NRXN1: variants seen among roughly 807,000 people sequenced by gnomAD.
NRXN1 encodes neurexin 1.
A neutral mutation model predicts 150.9 loss-of-function variants in NRXN1; 39 were observed. The ratio of observed to expected loss-of-function variants is 0.26; its 90% CI spans 0.20 to 0.34. NRXN1 has a LOEUF of 0.34. NRXN1 is among the 10% of genes least tolerant of loss of function. NRXN1 has a pLI of 1.00. For synonymous variants in NRXN1, 924 were observed against 757.0 expected (o/e 1.22, Z -3.62); for missense variants, 1,815 against 1,949.9 (o/e 0.93, Z 1.30).
intron 17 of NRXN1, among the ~76,000 whole-genome samples, chr2:50,295,570 T>C (rs926489208): frequency 2.6e-5 from 4 of 152,212 alleles, no homozygotes; most frequent in African/African-American, 9.6e-5. Context: ...TATTGTTGAA[T>C]TCAATCTTGT....
intron 18 of NRXN1, among the ~76,000 whole-genome samples, chr2:50,212,589 T>C (rs954806276): frequency 3.3e-5 from 5 of 151,864 alleles, no homozygotes; most frequent in Non-Finnish European, 4.4e-5. Context: ...TTTAAATCTG[T>C]AGCCTCAAAA....
In NRXN1 at chr2:50,921,161, C is replaced by A. The variant is rs1255501901; in HGVS notation, c.832+708G>T. Reference sequence around the variant, plus strand: ...GTTTGCCACAGCTGCATACCACTTACTTCCTTTTAATGACAACATTAAACA... The same window carrying A: ...GTTTGCCACAGCTGCATACCACTTAATTCCTTTTAATGACAACATTAAACA... On this transcript the variant is annotated intron_variant, in intron 5 of 22. Coordinates refer to ENST00000401669, the MANE Select transcript of NRXN1 (RefSeq NM_001330078.2). Among the ~76,000 whole-genome samples the A allele has an allele frequency of 2.9e-4, 44 of 151,824 alleles. 1 individual carries two copies. Among genetic ancestry groups the A allele is most frequent in the Non-Finnish European group, 1.2e-4 (8 of 67,850 alleles).
intron 5 of NRXN1, among the ~76,000 whole-genome samples, chr2:50,883,827 A>G (rs1679818374): frequency 1.3e-5 from 2 of 151,814 alleles, no homozygotes; most frequent in African/African-American, 2.4e-5. Flanking sequence ...GAAGCCTACA[A>G]ACTGTGATGA....
chr2:50,155,860 A>T (rs1309521633), intron 18 of NRXN1, among the ~76,000 whole-genome samples: 1 of 151,652 alleles, frequency 6.6e-6, no homozygotes, highest in Non-Finnish European at 1.5e-5. Flanking sequence ...ATGAGACAGT[A>T]CACACATTTC....
At chr2:50,781,186 G>C (rs2105516256) in intron 5 of NRXN1, among the ~76,000 whole-genome samples, 1 of 152,284 alleles carries the variant, frequency 6.6e-6, no homozygotes, top group African/African-American at 2.4e-5. Context: ...ACTGGGTTGT[G>C]TTATAAGAGA....
chr2:50,783,801 T>A (rs1246862653), intron 5 of NRXN1, among the ~76,000 whole-genome samples: 1 of 152,144 alleles, frequency 6.6e-6, no homozygotes, highest in Non-Finnish European at 1.5e-5. Flanking sequence ...CAAAGGCATA[T>A]CCATATCCCT....
At chr2:50,453,568 G>T (rs2087214397) in intron 17 of NRXN1, among the ~76,000 whole-genome samples, 1 of 151,930 alleles carries the variant, frequency 6.6e-6, no homozygotes, top group African/African-American at 2.4e-5. Context: ...CTAAAATATT[G>T]AACCAAAACA....
intron 21 of NRXN1, among the ~76,000 whole-genome samples, chr2:49,987,259 A>C (rs567131228): frequency 1.4e-4 from 21 of 152,200 alleles, no homozygotes; most frequent in African/African-American, 5.1e-4. Context: ...TATGAGTGAG[A>C]ACATGCAGTA....
chr2:50,270,083 G>A (rs2069388458), intron 17 of NRXN1, among the ~76,000 whole-genome samples: 1 of 152,014 alleles, frequency 6.6e-6, no homozygotes, highest in Non-Finnish European at 1.5e-5. Flanking sequence ...CCCATTATGT[G>A]TTGAAGGAAA....
intron 2 of NRXN1, among the ~76,000 whole-genome samples, chr2:50,946,602 C>T (rs931238010): frequency 1.3e-5 from 2 of 152,138 alleles, no homozygotes; most frequent in African/African-American, 4.8e-5. Context: ...TAGGTATTTA[C>T]TTACATTTAA....
chr2:50,047,078 A>G (rs778801459), intron 21 of NRXN1, among the ~76,000 whole-genome samples: 10 of 152,142 alleles, frequency 6.6e-5, no homozygotes, highest in Non-Finnish European at 1.0e-4. Flanking sequence ...TTTCAAAAGG[A>G]TAGTCTGACA....
At chr2:50,936,968 A>C (rs1441458063) in intron 2 of NRXN1, among the ~76,000 whole-genome samples, 1 of 152,192 alleles carries the variant, frequency 6.6e-6, no homozygotes, top group African/African-American at 2.4e-5. Context: ...TCAATGTTTT[A>C]TCTATTCATC....
At chr2:49,995,749 C>G (rs1354311104) in intron 21 of NRXN1, among the ~76,000 whole-genome samples, 2 of 124,418 alleles carry the variant, frequency 1.6e-5, no homozygotes, top group South Asian at 5.3e-4. Context: ...TCACTGCAAT[C>G]CAGCCTGAGC....
intron 21 of NRXN1, chr2:50,022,644 G>A (rs1687738525): frequency 6.6e-6 from 1 of 152,202 alleles, no homozygotes; most frequent in Non-Finnish European, 1.5e-5. Context: ...AATTGCAGAT[G>A]CAAGAATAGT....
intron 18 of NRXN1, among the ~76,000 whole-genome samples, chr2:50,228,849 C>T (rs1295212131): frequency 1.3e-5 from 2 of 151,906 alleles, no homozygotes; most frequent in African/African-American, 2.4e-5. Context: ...GGCAGTTGAG[C>T]GTCCCCCATT....
intron 22 of NRXN1, among the ~76,000 whole-genome samples, chr2:49,923,824 A>G (rs1343240732): frequency 2.0e-5 from 3 of 152,204 alleles, no homozygotes; most frequent in Non-Finnish European, 4.4e-5. Flanking sequence ...CAAAGTAGCA[A>G]TAAGCTATGT....
intron 17 of NRXN1, among the ~76,000 whole-genome samples, chr2:50,304,734 A>C (rs992547803): frequency 2.6e-5 from 4 of 152,152 alleles, no homozygotes; most frequent in Non-Finnish European, 5.9e-5. Context: ...GACTTATGAA[A>C]TGGGAAGCAT....
chr2:49,964,338 G>T (rs1185979535), intron 21 of NRXN1, among the ~76,000 whole-genome samples: 1 of 152,132 alleles, frequency 6.6e-6, no homozygotes, highest in Non-Finnish European at 1.5e-5. Flanking sequence ...CCAGCACTTT[G>T]GGAGGCTGAG....
intron 5 of NRXN1, among the ~76,000 whole-genome samples, chr2:50,649,310 T>C (rs918607832): frequency 1.4e-5 from 2 of 147,116 alleles, no homozygotes; most frequent in African/African-American, 5.2e-5. Flanking sequence ...AAATCACAAG[T>C]ATTTACTGAA....
Sources: allele counts gnomAD v4.1 joint callset (sites outside exome capture counted in the v4.1 genomes callset), GRCh38; gene constraint gnomAD v4.1.1; transcripts MANE v1.5; gene names NCBI Gene and HGNC (gene_info 2026-07-23, HGNC 2026-07-21).